Variants in COL6A5 observed in about 807,000 individuals in gnomAD.
COL6A5 encodes collagen alpha-5(VI) chain.
In COL6A5, 48 loss-of-function variants were observed where a neutral mutation model predicts 65.6. The ratio of observed to expected loss-of-function variants is 0.73; its 90% CI spans 0.58 to 0.93. The LOEUF (loss-of-function observed/expected upper bound fraction) is 0.93, where lower values mean the gene tolerates loss of function less well. Ranked by LOEUF, COL6A5 falls within the 40% of genes least tolerant of loss-of-function variation. The pLI, the probability that COL6A5 is intolerant of heterozygous loss-of-function variation, is 0.00. For missense variants in COL6A5, 914 were observed against 928.3 expected (o/e 0.98, Z 0.20); for synonymous variants, 291 against 322.8 (o/e 0.90, Z 1.05).
intron 24 of COL6A5, 144 bp from the exon 25 acceptor site, chr3:130,418,725 A>C: frequency 1.6e-6 from 1 of 644,872 alleles, no homozygotes; most frequent in South Asian, 1.9e-5. Flanking sequence ...AAAAAACATA[A>C]TTTGTGCCCT....
chr3:130,395,126 A>C, exon 8 of COL6A5: 2 of 1,551,726 alleles, frequency 1.3e-6, no homozygotes, highest in Non-Finnish European at 1.7e-6. Context: ...GAATGTCTCC[A>C]AGAGCGGTGG....
chr3:130,427,168 T>C (rs1937622417), upstream of COL6A5, among the ~76,000 whole-genome samples: 1 of 152,112 alleles, frequency 6.6e-6, no homozygotes, highest in South Asian at 2.1e-4. Context: ...TATTATAAAA[T>C]GAAATTGAAT....
intron 7 of COL6A5, among the ~76,000 whole-genome samples, chr3:130,474,000 C>T (rs1710026466): frequency 6.6e-6 from 1 of 152,214 alleles, no homozygotes; most frequent in East Asian, 1.9e-4. Context: ...CTTGTAATGA[C>T]ATCTCAAGTA....
At chr3:130,391,125 C>G in intron 6 of COL6A5, 54 bp from the exon 7 acceptor site, 1 of 1,291,308 alleles carries the variant, frequency 7.7e-7, no homozygotes, top group Non-Finnish European at 1.1e-6. Flanking sequence ...TCTCAGCACC[C>G]TGCGTAGAAT....
Position 130,443,471 on chromosome 3 carries a change from A to T in COL6A5, c.1242-5A>T, listed in dbSNP as rs533152895. ...AATCTAACTATAACTTTGTTCTCTC[A>T]ATAGGGGGATTCAATCAGTACCCAC... On this transcript the variant is annotated splice_polypyrimidine_tract_variant and splice_region_variant and intron_variant, in intron 3 of 7. Transcript: ENST00000512836. 71 of 1,596,186 alleles carry T rather than the reference A, an allele frequency of 4.4e-5. No individual in the cohort carries two copies. The South Asian group carries it at 7.0e-4, about 16-fold the overall frequency.
chr3:130,433,094 C>A (rs1163583738), intron 1 of COL6A5, among the ~76,000 whole-genome samples: 3 of 152,126 alleles, frequency 2.0e-5, no homozygotes, highest in Non-Finnish European at 4.4e-5. Flanking sequence ...GAGAATCAAT[C>A]TGTTCCTAAC....
At chr3:130,455,466 A>G (rs1577527982) in exon 5 of COL6A5, 1 of 1,609,426 alleles carries the variant, frequency 6.2e-7, no homozygotes, top group Non-Finnish European at 8.5e-7. Flanking sequence ...TTTGTTACTG[A>G]GCTACAAGAG....
At chr3:130,383,119 T>C in intron 4 of COL6A5, among the ~76,000 whole-genome samples, 1 of 152,054 alleles carries the variant, frequency 6.6e-6, no homozygotes, top group Middle Eastern at 3.2e-3. Flanking sequence ...AATGCACAGG[T>C]GAGGCCTTGA....
At position 130,415,604 on chromosome 3, in the gene COL6A5, A is replaced by G. The variant is rs1176074309; in HGVS notation, c.4762-41A>G. 5 of 1,514,156 alleles carry G rather than the reference A, an allele frequency of 3.3e-6. No homozygotes were observed. In the South Asian group the frequency reaches 4.9e-5, roughly 15 times the overall value. 93.8% of individuals were successfully genotyped at this position (1,514,156 alleles called of 1,614,324 possible). A position where few individuals can be genotyped will look rare whatever the true frequency, so the allele number is the denominator to read the frequency against. Reference sequence around the variant, plus strand: ...AAGAAACACTGAGAAGTAAGCTTTCATTGACATAATTGCATTGTATTTCCT... The same window carrying G: ...AAGAAACACTGAGAAGTAAGCTTTCGTTGACATAATTGCATTGTATTTCCT... On this transcript the variant is annotated intron_variant and NMD_transcript_variant, in intron 22 of 41. Coordinates refer to the COL6A5 transcript ENST00000312481.
At chr3:130,374,850 T>G (rs1294391020) in intron 2 of COL6A5, among the ~76,000 whole-genome samples, 1 of 152,156 alleles carries the variant, frequency 6.6e-6, no homozygotes, top group Non-Finnish European at 1.5e-5. Context: ...TGTGTGAGTG[T>G]GTGTATGTCC....
intron 1 of COL6A5, among the ~76,000 whole-genome samples, chr3:130,346,234 T>C (rs1281801465): frequency 6.6e-6 from 1 of 152,164 alleles, no homozygotes; most frequent in Non-Finnish European, 1.5e-5. Flanking sequence ...CCCTTGAAAC[T>C]TGTTAGAAAT....
intron 1 of COL6A5, among the ~76,000 whole-genome samples, chr3:130,360,022 A>T (rs1935055606): frequency 1.3e-5 from 2 of 152,114 alleles, no homozygotes; most frequent in Admixed American, 1.3e-4. Context: ...TCAGCTCAAA[A>T]TTTTAAGACA....
At chr3:130,459,834 G>A (rs528990833) in intron 5 of COL6A5, among the ~76,000 whole-genome samples, 8 of 151,788 alleles carry the variant, frequency 5.3e-5, no homozygotes, top group African/African-American at 1.9e-4. Flanking sequence ...TGCAGAGTAT[G>A]TTCTTTTGTT....
At chr3:130,416,785 G>A (rs947802922) in exon 24 of COL6A5, 2 of 1,534,778 alleles carry the variant, frequency 1.3e-6, no homozygotes, top group African/African-American at 1.4e-5. Context: ...GGAGCTAAAG[G>A]GAGCACTGGA....
chr3:130,406,222 A>G (rs1402223020), intron 16 of COL6A5, 46 bp from the exon 17 acceptor site: 2 of 1,549,340 alleles, frequency 1.3e-6, no homozygotes, highest in Non-Finnish European at 1.7e-6. Flanking sequence ...TGAGGTTGCT[A>G]AAATTTTTTT....
chr3:130,394,003 C>T (rs1007224807), intron 7 of COL6A5, among the ~76,000 whole-genome samples: 5 of 136,136 alleles, frequency 3.7e-5, no homozygotes, highest in African/African-American at 1.2e-4. Flanking sequence ...GCCACACTAC[C>T]CTTACAAGGA....
intron 5 of COL6A5, among the ~76,000 whole-genome samples, chr3:130,465,416 G>C (rs1200511084): frequency 6.6e-6 from 1 of 152,006 alleles, no homozygotes; most frequent in Non-Finnish European, 1.5e-5. Flanking sequence ...GCTCAACAGG[G>C]CTAGGAATCA....
chr3:130,414,356 C>T (rs1005384344), intron 22 of COL6A5, among the ~76,000 whole-genome samples: 1 of 152,044 alleles, frequency 6.6e-6, no homozygotes, highest in Admixed American at 6.6e-5. Flanking sequence ...TTGTGCTCAC[C>T]TGGTATTGTG....
intron 20 of COL6A5, among the ~76,000 whole-genome samples, chr3:130,411,336 C>T (rs1577481917): frequency 6.6e-6 from 1 of 152,282 alleles, no homozygotes; most frequent in East Asian, 1.9e-4. Context: ...CTAGATTTGG[C>T]TCTGAGTTTT....
Sources: gnomAD v4.1 joint callset for allele counts (sites outside exome capture counted in the v4.1 genomes callset) on GRCh38, gnomAD v4.1.1 for gene constraint, MANE v1.5 for transcripts, NCBI Gene and HGNC (gene_info 2026-07-23, HGNC 2026-07-21) for gene names.